Variants in MALRD1 observed in about 807,000 individuals in gnomAD.
The protein encoded by MALRD1 is MAM and LDL receptor class A domain containing 1.
A neutral mutation model predicts 242.1 loss-of-function variants in MALRD1; 247 were observed. The ratio of observed to expected loss-of-function variants is 1.02; its 90% CI spans 0.92 to 1.13. The LOEUF is 1.13. Among genes scored for constraint, MALRD1 ranks in the 50% most tolerant of loss-of-function variants. The probability of loss-of-function intolerance (pLI) is 0.00; values close to 1 mark genes in which losing one functional copy is unlikely to be tolerated. For synonymous variants in MALRD1, 995 were observed against 866.6 expected, an observed-to-expected ratio of 1.15 and a Z score of -2.60; for missense variants, 2,989 against 2,533.1, an observed-to-expected ratio of 1.18 and a Z score of -3.86.
At chr10:19,118,086 A>G (rs1003783080) in intron 5 of MALRD1, among the ~76,000 whole-genome samples, 2 of 152,216 alleles carry the variant, frequency 1.3e-5, no homozygotes, top group Non-Finnish European at 2.9e-5. Flanking sequence ...AAAAACTGTG[A>G]TAAGAAGTTC....
chr10:19,499,537 T>G (rs1007536813), intron 31 of MALRD1, among the ~76,000 whole-genome samples: 2 of 152,084 alleles, frequency 1.3e-5, no homozygotes, highest in African/African-American at 2.4e-5. Flanking sequence ...TTTATGGTTC[T>G]CCAGCCTGAC....
intron 17 of MALRD1, among the ~76,000 whole-genome samples, chr10:19,206,844 A>G (rs964211480): frequency 2.6e-5 from 4 of 152,206 alleles, no homozygotes; most frequent in Admixed American, 2.6e-4. Context: ...CGTCAGTTTT[A>G]TGTCAGAAAC....
intron 30 of MALRD1, among the ~76,000 whole-genome samples, chr10:19,496,658 A>G (rs1206245393): frequency 6.6e-6 from 1 of 152,194 alleles, no homozygotes; most frequent in Non-Finnish European, 1.5e-5. Flanking sequence ...CATTGCAGTT[A>G]TTGATTGGTG....
chr10:19,654,905 T>C (rs1464930624), intron 36 of MALRD1, among the ~76,000 whole-genome samples: 1 of 152,144 alleles, frequency 6.6e-6, no homozygotes, highest in Admixed American at 6.6e-5. Flanking sequence ...ACCTGCTGCA[T>C]AAAAATCTTA....
chr10:19,358,124 C>T (rs61475562), intron 26 of MALRD1, among the ~76,000 whole-genome samples: 6,148 of 151,792 alleles, frequency 0.041, 207 homozygotes, highest in African/African-American at 0.092. Flanking sequence ...CAAATTCAAT[C>T]ACGGTCATAT....
chr10:19,440,710 A>G (rs1403251033), intron 28 of MALRD1, among the ~76,000 whole-genome samples: 1 of 152,174 alleles, frequency 6.6e-6, no homozygotes, highest in Non-Finnish European at 1.5e-5. Context: ...TCCATGGTGT[A>G]TATGTGCCAC....
At chr10:19,118,851 T>C (rs776429022) in intron 5 of MALRD1, among the ~76,000 whole-genome samples, 2 of 152,156 alleles carry the variant, frequency 1.3e-5, no homozygotes, top group African/African-American at 2.4e-5. Flanking sequence ...AAAGAGGCCT[T>C]GGTTTATATG....
chr10:19,067,581 C>T (rs568094893), intron 2 of MALRD1, among the ~76,000 whole-genome samples: 9 of 152,174 alleles, frequency 5.9e-5, no homozygotes, highest in East Asian at 1.9e-4. Context: ...TAATTTGAAA[C>T]AAGCAAATGT....
intron 32 of MALRD1, among the ~76,000 whole-genome samples, chr10:19,541,982 T>G (rs1010050971): frequency 2.0e-5 from 3 of 152,144 alleles, no homozygotes; most frequent in Non-Finnish European, 2.9e-5. Context: ...AGGTCGACAC[T>G]CAAGAGAAAG....
intron 38 of MALRD1, among the ~76,000 whole-genome samples, chr10:19,707,881 C>A (rs1222816234): frequency 8.3e-6 from 1 of 120,626 alleles, no homozygotes; most frequent in Non-Finnish European, 1.9e-5. Flanking sequence ...CGCTTGAACC[C>A]AGGAGGCAAA....
At chr10:19,637,431 G>A (rs536003320) in intron 36 of MALRD1, among the ~76,000 whole-genome samples, 5 of 152,284 alleles carry the variant, frequency 3.3e-5, no homozygotes, top group African/African-American at 1.2e-4. Flanking sequence ...AGAAAATCAA[G>A]TTGATTAATT....
intron 33 of MALRD1, among the ~76,000 whole-genome samples, chr10:19,583,537 C>T (rs919104085): frequency 5.3e-5 from 8 of 150,014 alleles, no homozygotes; most frequent in South Asian, 4.3e-4. Flanking sequence ...TATTGATTTG[C>T]GTATATTGAA....
rs1444628204 is a variant in MALRD1, at chr10:19,595,455, G to T, written c.5942G>T (p.Cys1981Phe). Residue 1981 changes from cysteine to phenylalanine, a missense_variant and splice_region_variant, in exon 34 of 40, where the codon TGC becomes TTC. By Grantham distance (205) the Cys-to-Phe change is radical. Transcript: ENST00000454679. The part of the protein sequence containing the change: ...DCHFNEDELI[C>F]SNKSCSNGAL... Reference sequence around the variant, plus strand: ...CACTTTAATGAAGATGAGCTCATCTGCTGTGAGTTATTTTCACTAACTCAA... The same window carrying T: ...CACTTTAATGAAGATGAGCTCATCTTCTGTGAGTTATTTTCACTAACTCAA... The T allele has an allele frequency of 1.3e-6, 2 of 1,547,502 alleles. No individual in the cohort carries two copies. The highest frequency in any genetic ancestry group is 2.0e-5 in the Admixed American group (1 of 50,928).
intron 34 of MALRD1, among the ~76,000 whole-genome samples, chr10:19,595,732 G>A (rs1838063877): frequency 6.6e-6 from 1 of 152,030 alleles, no homozygotes. Context: ...GCCGTTATGT[G>A]TTCTTATCTC....
intron 19 of MALRD1, among the ~76,000 whole-genome samples, chr10:19,262,849 A>T (rs1413053174): frequency 6.6e-6 from 1 of 152,092 alleles, no homozygotes; most frequent in African/African-American, 2.4e-5. Context: ...TGTGAGTTCA[A>T]CTTTTAGATT....
At chr10:19,098,891 G>A (rs1836143066) in intron 4 of MALRD1, among the ~76,000 whole-genome samples, 1 of 152,144 alleles carries the variant, frequency 6.6e-6, no homozygotes, top group African/African-American at 2.4e-5. Context: ...AGGAAGCGGT[G>A]TCTGATTTAC....
chr10:19,662,031 T>C (rs1004830547), intron 36 of MALRD1, among the ~76,000 whole-genome samples: 8 of 152,144 alleles, frequency 5.3e-5, no homozygotes, highest in African/African-American at 1.9e-4. Flanking sequence ...TACTCCTTCA[T>C]TTTTATTTTT....
intron 33 of MALRD1, among the ~76,000 whole-genome samples, chr10:19,579,344 G>A (rs1836992004): frequency 6.6e-6 from 1 of 152,152 alleles, no homozygotes; most frequent in African/African-American, 2.4e-5. Flanking sequence ...TAAAACTGTT[G>A]TTCCCAAAGT....
chr10:19,162,273 T>G (rs1834463688), intron 12 of MALRD1, among the ~76,000 whole-genome samples: 1 of 150,828 alleles, frequency 6.6e-6, no homozygotes, highest in African/African-American at 2.4e-5. Flanking sequence ...GAATAGATTA[T>G]CTTTCTTCCT....
Sources: gnomAD v4.1 joint callset for allele counts (sites outside exome capture counted in the v4.1 genomes callset) on GRCh38, gnomAD v4.1.1 for gene constraint, MANE v1.5 for transcripts, NCBI Gene and HGNC (gene_info 2026-07-23, HGNC 2026-07-21) for gene names.